BEND6: variants seen among roughly 807,000 people sequenced by gnomAD.
The protein encoded by BEND6 is BEN domain containing 6, also known as BEN domain-containing protein 6.
In BEND6, 24 loss-of-function variants were observed where a neutral mutation model predicts 31.8. That is an observed-to-expected ratio of 0.75 (90% confidence interval 0.55 to 1.06). The LOEUF is 1.06. BEND6 is among the 50% of genes least tolerant of loss of function. BEND6 has a pLI of 0.00. For missense variants in BEND6, 294 were observed against 327.4 expected (o/e 0.90, Z 0.79); for synonymous variants, 109 against 114.6 (o/e 0.95, Z 0.31).
intron 6 of BEND6, among the ~76,000 whole-genome samples, chr6:57,020,842 T>G (rs867671943): frequency 6.6e-6 from 1 of 150,704 alleles, no homozygotes; most frequent in Non-Finnish European, 1.5e-5. Flanking sequence ...TGTTTTTTTT[T>G]TTTTTTTTTT....
chr6:56,959,144 A>T (rs1244651544), intron 1 of BEND6, among the ~76,000 whole-genome samples: 1 of 152,186 alleles, frequency 6.6e-6, no homozygotes, highest in East Asian at 1.9e-4. Context: ...GGGATTTGTG[A>T]TTTAGCAATT....
chr6:56,965,132 C>T (rs9382672), intron 1 of BEND6, among the ~76,000 whole-genome samples: 105,750 of 152,034 alleles, frequency 0.7, 38,131 homozygotes, highest in South Asian at 0.89. Context: ...TTCTAAATGA[C>T]CTTCATAGGG....
intron 1 of BEND6, among the ~76,000 whole-genome samples, chr6:56,974,090 T>A (rs1224532510): frequency 6.6e-6 from 1 of 152,208 alleles, no homozygotes; most frequent in Non-Finnish European, 1.5e-5. Context: ...ATTTCCCATT[T>A]AATGTTTTCA....
intron 2 of BEND6, among the ~76,000 whole-genome samples, chr6:56,986,216 A>G (rs1452959048): frequency 1.3e-5 from 2 of 152,172 alleles, no homozygotes; most frequent in Non-Finnish European, 2.9e-5. Flanking sequence ...ATATGTATAT[A>G]TATACAAACA....
intron 1 of BEND6, among the ~76,000 whole-genome samples, chr6:56,957,516 C>G (rs1050403729): frequency 4.6e-5 from 7 of 152,152 alleles, no homozygotes; most frequent in Non-Finnish European, 8.8e-5. Flanking sequence ...AATACTAAAT[C>G]AGCCAAGCAG....
intron 3 of BEND6, chr6:57,008,567 C>T: frequency 4.3e-6 from 1 of 232,704 alleles, no homozygotes. Flanking sequence ...GACACCATCT[C>T]TTAAAAAAAG....
intron 3 of BEND6, among the ~76,000 whole-genome samples, chr6:56,995,943 AT>A (rs937961196): frequency 1.2e-4 from 18 of 152,164 alleles, no homozygotes; most frequent in Admixed American, 1.0e-3. Flanking sequence ...ACAACTCTCC[AT>A]CCTTGAAAAA....
At chr6:56,992,992 G>A (rs574997855) in intron 3 of BEND6, among the ~76,000 whole-genome samples, 65 of 152,244 alleles carry the variant, frequency 4.3e-4, no homozygotes, top group Admixed American at 9.8e-4. Flanking sequence ...ACTGGAATTA[G>A]AGTCCATATA....
chr6:56,980,809 A>G (rs1042439064), intron 1 of BEND6, among the ~76,000 whole-genome samples: 2 of 152,226 alleles, frequency 1.3e-5, no homozygotes, highest in African/African-American at 4.8e-5. Context: ...TATTTCTTGA[A>G]GACATCTAAG....
chr6:56,967,299 G>T (rs1427544221), intron 1 of BEND6, among the ~76,000 whole-genome samples: 2 of 152,152 alleles, frequency 1.3e-5, no homozygotes, highest in Non-Finnish European at 2.9e-5. Context: ...GAGAGATCAT[G>T]CTGTACCTCA....
At chr6:56,967,073 T>C (rs1825508305) in intron 1 of BEND6, among the ~76,000 whole-genome samples, 1 of 150,480 alleles carries the variant, frequency 6.6e-6, no homozygotes, top group Non-Finnish European at 1.5e-5. Context: ...CAGATGTCCA[T>C]AGGGAGATAG....
intron 1 of BEND6, among the ~76,000 whole-genome samples, chr6:56,961,059 G>T (rs1282005227): frequency 6.6e-6 from 1 of 152,142 alleles, no homozygotes; most frequent in Non-Finnish European, 1.5e-5. Context: ...AAAAACTTGT[G>T]TCTCATTTTG....
At chr6:56,968,937 T>TGGCCGGGCGC (rs2127843085) in intron 1 of BEND6, among the ~76,000 whole-genome samples, 1 of 151,874 alleles carries the variant, frequency 6.6e-6, no homozygotes, top group Admixed American at 6.6e-5. Context: ...TAGCCAGCCG[T>TGGCCGGGCGC]GGTGGCAGGC....
intron 1 of BEND6, among the ~76,000 whole-genome samples, chr6:56,968,347 G>T (rs1825564729): frequency 9.5e-6 from 1 of 105,168 alleles, no homozygotes; most frequent in Non-Finnish European, 1.7e-5. Flanking sequence ...TTGAGACAGG[G>T]TCTCACTCTG....
rs1004390844 is a variant in BEND6, at chr6:57,026,342, TG to T, written c.*272del. The T allele has an allele frequency of 2.6e-5, 4 of 152,340 alleles. No individual in the cohort carries two copies. Among genetic ancestry groups the T allele is most frequent in the African/African-American group, 9.6e-5 (4 of 41,580 alleles). 9.4% of individuals were successfully genotyped at this position (152,340 alleles called of 1,614,324 possible). A position where few individuals can be genotyped will look rare whatever the true frequency, so the allele number is the denominator to read the frequency against. ...AAATAAGCATGCAATATGGTTTCTT[TG>T]GAAATAAGCATTTCCCAATCCCCAA... is the stretch of plus-strand genomic sequence containing the variant. On this transcript the variant is annotated 3_prime_UTR_variant, in exon 7 of 7. Transcript: ENST00000370746.
At chr6:56,957,384 C>A (rs917994369) in intron 1 of BEND6, among the ~76,000 whole-genome samples, 2 of 152,126 alleles carry the variant, frequency 1.3e-5, no homozygotes, top group African/African-American at 4.8e-5. Context: ...TATTTAGTTC[C>A]ATTGTTATTT....
chr6:57,026,190 A>C lies in BEND6; in HGVS notation c.*118A>C, dbSNP rs1329246922. On this transcript the variant is annotated 3_prime_UTR_variant, in exon 7 of 7. Transcript: ENST00000370746. ...GTGAGAAAGACAGACATGTGCAGTGACAGGCTGTAAGACATATGTAACATT... is the reference window on the plus strand; with the variant it reads ...GTGAGAAAGACAGACATGTGCAGTGCCAGGCTGTAAGACATATGTAACATT... 1 of 152,200 alleles carries C rather than the reference A, an allele frequency of 6.6e-6. No individual in the cohort carries two copies. Among genetic ancestry groups the C allele is most frequent in the East Asian group, 1.9e-4 (1 of 5,188 alleles). 9.4% of individuals were successfully genotyped at this position (152,200 alleles called of 1,614,324 possible).
rs980185537 is a variant in BEND6 at position 57,005,612 on chromosome 6, G to A, written c.299-9521G>A. On this transcript the variant is annotated intron_variant, in intron 3 of 6. Transcript: ENST00000370746. ...GGAGAATCGCTTGAACCCGGGAGAC[G>A]GAGGTTGCAGTGAGCCGAGATCGCC... is the stretch of plus-strand genomic sequence containing the variant. 4.9e-4 allele frequency among the ~76,000 whole-genome samples: 75 copies of A among 151,526 alleles called. 1 individual carries two copies. The highest frequency in any genetic ancestry group is 1.8e-3 in the African/African-American group (73 of 41,300).
chr6:57,008,548 A>G (rs1185748906), intron 3 of BEND6: 2 of 289,334 alleles, frequency 6.9e-6, no homozygotes, highest in African/African-American at 4.3e-5. Context: ...AGCCTGGGTG[A>G]CAGACACAGA....
Sources: allele counts gnomAD v4.1 joint callset (sites outside exome capture counted in the v4.1 genomes callset), GRCh38; gene constraint gnomAD v4.1.1; transcripts MANE v1.5; gene names NCBI Gene and HGNC (gene_info 2026-07-23, HGNC 2026-07-21).